CYBRD1: variants seen among roughly 807,000 people sequenced by gnomAD.
CYBRD1 encodes the protein plasma membrane ascorbate-dependent reductase CYBRD1.
A neutral mutation model predicts 21.9 loss-of-function variants in CYBRD1; 14 were observed. The ratio of observed to expected loss-of-function variants is 0.64; its 90% CI spans 0.42 to 1.00. The LOEUF (loss-of-function observed/expected upper bound fraction) is 1.00. CYBRD1 is among the 50% of genes least tolerant of loss of function. The pLI is 0.00. For missense variants in CYBRD1, 328 were observed against 352.5 expected, an observed-to-expected ratio of 0.93 and a Z score of 0.56; for synonymous variants, 146 against 136.5, an observed-to-expected ratio of 1.07 and a Z score of -0.48.
chr2:171,553,507 T>G lies in CYBRD1; in HGVS notation c.557+7T>G. 1 of 1,610,152 alleles carries G rather than the reference T, an allele frequency of 6.2e-7. No individual in the cohort carries two copies. Among genetic ancestry groups the G allele is most frequent in the Non-Finnish European group, 8.5e-7 (1 of 1,177,732 alleles). On this transcript the variant is annotated splice_region_variant and intron_variant, in intron 3 of 3. Coordinates refer to ENST00000321348, the MANE Select transcript of CYBRD1 (RefSeq NM_024843.4). ...AGAAACTGATTTTTTCCCTGTAAGTTGCATAGTCTTCTTAATTGTAATACT... is the reference window on the plus strand; with the variant it reads ...AGAAACTGATTTTTTCCCTGTAAGTGGCATAGTCTTCTTAATTGTAATACT...
At chr2:171,548,005 AAGG>A (rs1697742074) in intron 2 of CYBRD1, among the ~76,000 whole-genome samples, 1 of 152,170 alleles carries the variant, frequency 6.6e-6, no homozygotes, top group Admixed American at 6.5e-5. Flanking sequence ...ACAGTGTAGC[AAGG>A]AGATGTAGAA....
At chr2:171,551,881 G>A (rs56299511) in intron 2 of CYBRD1, among the ~76,000 whole-genome samples, 20,526 of 152,100 alleles carry the variant, frequency 0.13, 1,591 homozygotes, top group Non-Finnish European at 0.16. Flanking sequence ...TTAATCTCAA[G>A]ATTCTTTTGG....
chr2:171,554,786 A>G lies in CYBRD1; in HGVS notation c.820A>G (p.Asn274Asp), dbSNP rs1439107217. 1.2e-6 allele frequency: 2 copies of G among 1,613,748 alleles called. No individual in the cohort carries two copies. Among genetic ancestry groups the G allele is most frequent in the African/African-American group, 2.7e-5 (2 of 74,912 alleles). The part of the protein sequence containing the change: ...LNSEVAARKR[N>D]LALDEAGQRS... ...CAGTGAAGTAGCAGCAAGGAAAAGA[A>G]ACTTAGCTCTGGATGAGGCTGGGCA... is the stretch of plus-strand genomic sequence containing the variant. Residue 274 changes from asparagine to aspartate, a missense_variant, in exon 4 of 4, where the codon AAC becomes GAC. Physicochemically the swap from Asn to Asp is conservative, Grantham distance 23. Transcript: ENST00000321348.
chr2:171,552,554 C>T (rs1218185419), intron 2 of CYBRD1, among the ~76,000 whole-genome samples: 1 of 152,012 alleles, frequency 6.6e-6, no homozygotes, highest in Non-Finnish European at 1.5e-5. Flanking sequence ...AAATAGGCAT[C>T]TGAAAAAAAA....
chr2:171,537,265 C>T (rs1022114149), intron 1 of CYBRD1, among the ~76,000 whole-genome samples: 2 of 152,082 alleles, frequency 1.3e-5, no homozygotes, highest in African/African-American at 2.4e-5. Context: ...TTTACTATTG[C>T]GTGATCACAC....
chr2:171,554,822 A>G lies in CYBRD1; in HGVS notation c.856A>G (p.Met286Val). 1 of 1,612,820 alleles carries G rather than the reference A, an allele frequency of 6.2e-7. No homozygotes were observed. The highest frequency in any genetic ancestry group is 8.5e-7 in the Non-Finnish European group (1 of 1,179,838). Residue 286 changes from methionine (M) to valine (V), a missense_variant, in exon 4 of 4, where the codon ATG (methionine) becomes GTG (valine). Met to Val is a conservative substitution (Grantham distance 21). Coordinates refer to ENST00000321348, the MANE Select transcript of CYBRD1 (RefSeq NM_024843.4). Reference sequence around the variant, plus strand: ...GGATGAGGCTGGGCAGAGATCTACCATGTAAAATGTTGTAGAGATAGAGCC... The same window carrying G: ...GGATGAGGCTGGGCAGAGATCTACCGTGTAAAATGTTGTAGAGATAGAGCC... ...ALDEAGQRST[M>V]
intron 1 of CYBRD1, among the ~76,000 whole-genome samples, chr2:171,526,948 T>TTA (rs773685180): frequency 1.1e-3 from 162 of 152,350 alleles, no homozygotes; most frequent in Non-Finnish European, 1.9e-3. Context: ...TACCTTTAAG[T>TTA]AACATTTAAA....
rs192801195 is a variant in CYBRD1 at position 171,549,207 on chromosome 2, C to T, written c.403-4139C>T. On this transcript the variant is annotated intron_variant, in intron 2 of 3. Transcript: ENST00000321348. ...CAAGTGACTTTCATGCTTCAGCCTC[C>T]CAAGTAGCTAGGATTACAGGCCCAT... 2.1e-4 allele frequency among the ~76,000 whole-genome samples: 32 copies of T among 152,266 alleles called. 1 individual carries two copies. The East Asian group carries it at 5.8e-3, about 28-fold the overall frequency.
At chr2:171,535,155 T>C (rs984505051) in intron 1 of CYBRD1, among the ~76,000 whole-genome samples, 1 of 152,134 alleles carries the variant, frequency 6.6e-6, no homozygotes, top group African/African-American at 2.4e-5. Context: ...GTAGGTGCCC[T>C]AACTCAAGCC....
Position 171,522,490 on chromosome 2 carries a change from C to G in CYBRD1, c.-56C>G, listed in dbSNP as rs1697321087. 4.5e-6 allele frequency: 7 copies of G among 1,551,176 alleles called. No homozygotes were observed. In the Admixed American group the frequency reaches 1.4e-4, roughly 30 times the overall value. ...CGCCGCCCGGCCACTACCCAGAGGG[C>G]TGCCGCCGCCTCTCCAAGTTCTTGT... On this transcript the variant is annotated 5_prime_UTR_variant, in exon 1 of 4. Transcript: ENST00000321348. This position sits in a 1 kb window ranked among gnomAD's most constrained non-coding sequence, Gnocchi z 4.3.
Position 171,556,188 on chromosome 2 carries a change from AT to A in CYBRD1, c.*1368del, listed in dbSNP as rs1305256920. 3.9e-5 allele frequency: 6 copies of A among 152,058 alleles called. No individual in the cohort carries two copies. In the East Asian group the frequency reaches 1.2e-3, roughly 29 times the overall value. The allele number at this position is 152,058 out of a possible 1,614,324, so 9.4% of individuals were successfully genotyped here. On this transcript the variant is annotated 3_prime_UTR_variant, in exon 4 of 4. Transcript: ENST00000321348. ...AGCTTTCAAGTTAATTAATTGCAAT[AT>A]TTTTTTCTTCAGGATTTTAGCTGCT... is the stretch of plus-strand genomic sequence containing the variant.
chr2:171,528,846 C>A (rs527541692), intron 1 of CYBRD1, among the ~76,000 whole-genome samples: 1 of 152,188 alleles, frequency 6.6e-6, no homozygotes, highest in Non-Finnish European at 1.5e-5. Context: ...TCCTTGTAGT[C>A]GTTCAGGACG....
Position 171,554,850 on chromosome 2 carries a change from ATAACGTCACGTTTCAAAAC to A in CYBRD1, c.*26_*44del. The A allele has an allele frequency of 6.8e-6, 11 of 1,611,398 alleles. No homozygotes were observed. Among genetic ancestry groups the A allele is most frequent in the Non-Finnish European group, 8.5e-6 (10 of 1,179,332 alleles). On this transcript the variant is annotated 3_prime_UTR_variant, in exon 4 of 4. Coordinates refer to ENST00000321348, the MANE Select transcript of CYBRD1 (RefSeq NM_024843.4). Reference sequence around the variant, plus strand: ...TAAAATGTTGTAGAGATAGAGCCATATAACGTCACGTTTCAAAACTAGCTCTACAGTTTTGCTTCTCCTA... The same window carrying A: ...TAAAATGTTGTAGAGATAGAGCCATATAGCTCTACAGTTTTGCTTCTCCTA...
chr2:171,546,293 A>G (rs544753957), intron 2 of CYBRD1, among the ~76,000 whole-genome samples: 20 of 152,366 alleles, frequency 1.3e-4, no homozygotes, highest in Non-Finnish European at 2.4e-4. Context: ...ATCAAGGATT[A>G]TAATCCTTCA....
chr2:171,526,651 A>G (rs951861399), intron 1 of CYBRD1, among the ~76,000 whole-genome samples: 9 of 152,230 alleles, frequency 5.9e-5, no homozygotes, highest in African/African-American at 1.7e-4. Flanking sequence ...TGAAATAAGT[A>G]TACTACTAGG....
Position 171,554,758 on chromosome 2 carries a change from A to G in CYBRD1, c.792A>G (p.Leu264=). 6.2e-7 allele frequency: 1 copy of G among 1,614,056 alleles called. No homozygotes were observed. The highest frequency in any genetic ancestry group is 8.5e-7 in the Non-Finnish European group (1 of 1,179,960). ...ACATGGACAAATCAGATTCAGAGTT[A>G]AACAGTGAAGTAGCAGCAAGGAAAA... ...GNNMDKSDSE[L]NSEVAARKRN... is the part of the protein sequence containing the mutation. The change falls in exon 4 of 4, where the codon TTA becomes TTG. Residue 264 remains leucine (L), a synonymous_variant. Transcript: ENST00000321348.
At chr2:171,522,342 T>C (rs1274215978), upstream of CYBRD1, 28 of 1,513,896 alleles carry the variant, frequency 1.8e-5, no homozygotes, top group Non-Finnish European at 2.4e-5. The surrounding 1 kb of genome is among the most constrained non-coding windows in gnomAD (Gnocchi z 4.3). Context: ...ATCCCGGGGG[T>C]GGGGCCCATT....
At chr2:171,530,521 TG>T (rs1422837209) in intron 1 of CYBRD1, among the ~76,000 whole-genome samples, 1 of 152,134 alleles carries the variant, frequency 6.6e-6, no homozygotes, top group African/African-American at 2.4e-5. Context: ...AGAGTATAGG[TG>T]TACACTTGTG....
At chr2:171,537,705 G>A (rs1007597241) in intron 1 of CYBRD1, among the ~76,000 whole-genome samples, 2 of 152,174 alleles carry the variant, frequency 1.3e-5, no homozygotes, top group African/African-American at 2.4e-5. Context: ...AGATTTCTCT[G>A]TACTGTTTCT....
Sources: allele counts gnomAD v4.1 joint callset (sites outside exome capture counted in the v4.1 genomes callset), GRCh38; gene constraint gnomAD v4.1.1; non-coding constraint Gnocchi (gnomAD v3.1); transcripts MANE v1.5; gene names NCBI Gene and HGNC (gene_info 2026-07-23, HGNC 2026-07-21).